WDFY4: variants seen among roughly 807,000 people sequenced by gnomAD.
WDFY4 encodes WDFY family member 4, also known as WD repeat- and FYVE domain-containing protein 4.
A neutral mutation model predicts 351.9 loss-of-function variants in WDFY4; 169 were observed. That is an observed-to-expected ratio of 0.48 (90% CI 0.42 to 0.55). The LOEUF is 0.55. WDFY4 is among the 20% of genes least tolerant of loss of function. The pLI, the probability that WDFY4 is intolerant of heterozygous loss-of-function variation, is 0.00. For synonymous variants in WDFY4, 1,622 were observed against 1,574.6 expected (o/e 1.03, Z -0.71); for missense variants, 3,803 against 3,935.6 (o/e 0.97, Z 0.90).
intron 20 of WDFY4, 28 bp from the exon 21 acceptor site, chr10:48,788,502 A>G: frequency 1.3e-6 from 2 of 1,547,174 alleles, no homozygotes; most frequent in Non-Finnish European, 1.7e-6. Flanking sequence ...AAGTTAGACT[A>G]GAAATGTTTA....
chr10:48,910,287 C>T, intron 47 of WDFY4: 1 of 1,610,786 alleles, frequency 6.2e-7, no homozygotes, highest in Non-Finnish European at 8.5e-7. Flanking sequence ...GAAGGTGAGG[C>T]AATTGCTCCA....
At chr10:48,836,924 G>C (rs780994811) in intron 39 of WDFY4, among the ~76,000 whole-genome samples, 37 of 152,172 alleles carry the variant, frequency 2.4e-4, no homozygotes, top group African/African-American at 8.2e-4. Context: ...CTCTGCTTAC[G>C]TACTCAATTC....
In WDFY4 at chr10:48,982,561, T is replaced by C. The variant is rs909670752; in HGVS notation, c.9541T>C (p.Ser3181Pro). Residue 3181 changes from serine to proline, a missense_variant, in exon 62 of 62, where the codon TCT (serine) becomes CCT (proline). Physicochemically the swap from Ser to Pro is moderately conservative, Grantham distance 74. Transcript: ENST00000325239. The stretch of plus-strand genomic sequence containing the variant: ...TGAGAGGGGGAGAATATTCTGCTGG[T>C]CTGCAGATGGGTAGGAAGAGAGAGG... ...GDERGRIFCWSADG is the reference protein window; with the variant it reads ...GDERGRIFCWPADG 6.5e-7 allele frequency: 1 copy of C among 1,547,206 alleles called. No individual in the cohort carries two copies. Among genetic ancestry groups the C allele is most frequent in the African/African-American group, 1.4e-5 (1 of 72,832 alleles).
intron 42 of WDFY4, 30 bp downstream of exon 42, chr10:48,875,170 T>C: frequency 1.6e-6 from 2 of 1,246,966 alleles, no homozygotes; most frequent in Non-Finnish European, 2.1e-6. Context: ...TTTCCTTTAA[T>C]AGTTAAGCTA....
chr10:48,874,310 A>G (rs1268375005), intron 41 of WDFY4, among the ~76,000 whole-genome samples: 1 of 152,230 alleles, frequency 6.6e-6, no homozygotes, highest in Non-Finnish European at 1.5e-5. Flanking sequence ...AAAGAAAAGA[A>G]GCCAGTTGGA....
At chr10:48,839,052 G>A (rs1427513020) in intron 39 of WDFY4, among the ~76,000 whole-genome samples, 1 of 152,198 alleles carries the variant, frequency 6.6e-6, no homozygotes, top group Non-Finnish European at 1.5e-5. Flanking sequence ...CTAGTTAAAC[G>A]CTTGGGCTCT....
rs1370967618 is a variant in WDFY4 at position 48,982,760 on chromosome 10, T to C, written c.*185T>C. On this transcript the variant is annotated 3_prime_UTR_variant, in exon 62 of 62. Coordinates refer to ENST00000325239, the MANE Select transcript of WDFY4 (RefSeq NM_001394531.1). ...CTCTCCATGGCCGATGGGACTTCTATGAAAAGGATGAGCACACACACTCGG... is the reference window on the plus strand; with the variant it reads ...CTCTCCATGGCCGATGGGACTTCTACGAAAAGGATGAGCACACACACTCGG... 1.6e-6 allele frequency: 1 copy of C among 632,234 alleles called. No homozygotes were observed. The highest frequency in any genetic ancestry group is 1.5e-5 in the South Asian group (1 of 66,068). 39.2% of individuals were successfully genotyped at this position (632,234 alleles called of 1,614,324 possible). A position where few individuals can be genotyped will look rare whatever the true frequency, so the allele number is the denominator to read the frequency against.
chr10:48,922,340 A>G (rs954327817), intron 47 of WDFY4, among the ~76,000 whole-genome samples: 1 of 152,180 alleles, frequency 6.6e-6, no homozygotes, highest in African/African-American at 2.4e-5. Context: ...TAGCTGTCCT[A>G]GTAGTGAGTA....
chr10:48,777,250 G>A (rs1262962843), intron 16 of WDFY4, among the ~76,000 whole-genome samples, 169 bp from the exon 17 acceptor site: 1 of 152,162 alleles, frequency 6.6e-6, no homozygotes, highest in Non-Finnish European at 1.5e-5. Flanking sequence ...CCTTCCCTTA[G>A]GCATCCTACC....
intron 7 of WDFY4, among the ~76,000 whole-genome samples, chr10:48,728,453 G>A (rs1340132281): frequency 6.6e-6 from 1 of 152,192 alleles, no homozygotes; most frequent in Non-Finnish European, 1.5e-5. Context: ...ATAGGGCAAG[G>A]CCACATACTT....
intron 30 of WDFY4, among the ~76,000 whole-genome samples, chr10:48,812,202 T>TG: frequency 6.6e-6 from 1 of 150,444 alleles, no homozygotes. Context: ...TTTTTTTGTT[T>TG]TTTTTTGAGA....
intron 20 of WDFY4, among the ~76,000 whole-genome samples, chr10:48,787,916 T>TTCC (rs2066512038): frequency 1.7e-5 from 1 of 58,876 alleles, no homozygotes; most frequent in African/African-American, 8.2e-5. Context: ...CTTCTTCTTC[T>TTCC]TCTTCTTCTT....
At chr10:48,922,555 C>CAAAA (rs1839182622) in intron 47 of WDFY4, among the ~76,000 whole-genome samples, 2 of 152,172 alleles carry the variant, frequency 1.3e-5, no homozygotes, top group Non-Finnish European at 2.9e-5. Context: ...AATTGTTGTT[C>CAAAA]ATCTCTTACG....
intron 7 of WDFY4, 79 bp downstream of exon 7, chr10:48,727,738 G>GA: frequency 6.7e-7 from 1 of 1,488,016 alleles, no homozygotes; most frequent in Non-Finnish European, 9.0e-7. Context: ...GTGCTTTGCA[G>GA]AAAAATAGAT....
chr10:48,787,889 TTCTCC>T (rs1297695264), intron 20 of WDFY4, among the ~76,000 whole-genome samples: 2,621 of 78,318 alleles, frequency 0.033, 180 homozygotes, highest in East Asian at 0.099. Context: ...TTTCTTCTTC[TTCTCC>T]TTCTTCTTCT....
intron 47 of WDFY4, among the ~76,000 whole-genome samples, chr10:48,921,928 A>T (rs1230772274): frequency 6.6e-6 from 1 of 152,216 alleles, no homozygotes; most frequent in Non-Finnish European, 1.5e-5. Flanking sequence ...AAAATTAACC[A>T]TATAGTTATT....
At chr10:48,782,174 A>T (rs906747150) in intron 19 of WDFY4, among the ~76,000 whole-genome samples, 2 of 152,264 alleles carry the variant, frequency 1.3e-5, no homozygotes, top group Non-Finnish European at 1.5e-5. Flanking sequence ...AGTCCCTCAC[A>T]TTAGTTGGGA....
intron 35 of WDFY4, chr10:48,823,973 G>A: frequency 1.0e-6 from 1 of 985,480 alleles, no homozygotes; most frequent in Non-Finnish European, 1.2e-6. Context: ...TTCTAAGGGA[G>A]TAGCCTATAA....
chr10:48,958,170 G>T (rs929433777), intron 52 of WDFY4, among the ~76,000 whole-genome samples: 2 of 152,218 alleles, frequency 1.3e-5, no homozygotes, highest in Non-Finnish European at 2.9e-5. Context: ...AAAACCTTGT[G>T]CAGGGGTTTT....
Sources: allele counts gnomAD v4.1 joint callset (sites outside exome capture counted in the v4.1 genomes callset), GRCh38; gene constraint gnomAD v4.1.1; transcripts MANE v1.5; gene names NCBI Gene and HGNC (gene_info 2026-07-23, HGNC 2026-07-21).